Variants in CDC20B observed in about 807,000 individuals in gnomAD.
CDC20B encodes the protein cell division cycle protein 20 homolog B.
CDC20B carries 58 observed loss-of-function variants against 64.1 expected under a neutral mutation model. That is an observed-to-expected ratio of 0.90 (90% confidence interval 0.73 to 1.13). CDC20B has a LOEUF of 1.13. Among genes scored for constraint, CDC20B ranks in the 50% most tolerant of loss-of-function variants. CDC20B has a pLI of 0.00. For missense variants in CDC20B, 597 were observed against 633.0 expected, an observed-to-expected ratio of 0.94 and a Z score of 0.61; for synonymous variants, 243 against 230.6, an observed-to-expected ratio of 1.05 and a Z score of -0.49.
At chr5:55,166,231 A>G (rs1381930767) in intron 2 of CDC20B, 1 of 152,378 alleles carries the variant, frequency 6.6e-6, no homozygotes, top group East Asian at 1.9e-4. Context: ...GATGGATGAT[A>G]ATGGAGCTGC....
At position 55,152,780 on chromosome 5, in the gene CDC20B, T is replaced by C. The variant is rs141931383; in HGVS notation, c.127-5924A>G. On this transcript the variant is annotated intron_variant, in intron 2 of 11. Transcript: ENST00000381375. The stretch of plus-strand genomic sequence containing the variant: ...ACACTCCTTAAGACCAGGGACTTTG[T>C]CTTTTATCTTACTATCCTCGGGACA... Among the ~76,000 whole-genome samples, 16 of 152,322 alleles carry C rather than the reference T, an allele frequency of 1.1e-4. No individual in the cohort carries two copies. The East Asian group carries it at 2.9e-3, about 28-fold the overall frequency.
intron 8 of CDC20B, 60 bp downstream of exon 8, chr5:55,127,197 T>A: frequency 7.1e-7 from 1 of 1,402,564 alleles, no homozygotes; most frequent in Non-Finnish European, 1.0e-6. Flanking sequence ...AACTGTTTAC[T>A]CAGGCCCCAT....
chr5:55,141,890 C>A (rs1425564228), intron 4 of CDC20B, among the ~76,000 whole-genome samples: 2 of 152,152 alleles, frequency 1.3e-5, no homozygotes, highest in African/African-American at 2.4e-5. Flanking sequence ...TGCTCTCCCC[C>A]TGAGTTGTAA....
intron 2 of CDC20B, among the ~76,000 whole-genome samples, chr5:55,156,691 T>C (rs561213208): frequency 6.6e-6 from 1 of 152,086 alleles, no homozygotes; most frequent in East Asian, 1.9e-4. Flanking sequence ...CTGACTAATA[T>C]GGTGAAACCC....
rs1315210480 is a variant in CDC20B at position 55,128,552 on chromosome 5, TGTATACA to T, written c.756_762del (p.Val253SerfsTer13). 1.2e-6 allele frequency: 2 copies of T among 1,609,698 alleles called. No homozygotes were observed. Among genetic ancestry groups the T allele is most frequent in the South Asian group, 2.2e-5 (2 of 89,904 alleles). ...CCATTGTGGTTCTCCCCATTCCAGA[TGTATACA>T]GCAGAGCCCAGGGCTATGGCAACAA... On this transcript the variant is annotated frameshift_variant, in exon 7 of 12. Coordinates refer to ENST00000381375, the MANE Select transcript of CDC20B (RefSeq NM_001170402.1). LOFTEE classifies it high-confidence loss of function.
intron 11 of CDC20B, among the ~76,000 whole-genome samples, chr5:55,116,221 A>C (rs74569494): frequency 0.018 from 2,788 of 152,276 alleles, 46 homozygotes; most frequent in Non-Finnish European, 0.027. Context: ...ATGAAAAGCA[A>C]CTTGATTTAG....
At chr5:55,147,747 A>G (rs1343911458) in intron 2 of CDC20B, among the ~76,000 whole-genome samples, 1 of 152,170 alleles carries the variant, frequency 6.6e-6, no homozygotes. Flanking sequence ...AAATATTACC[A>G]TTACATATCA....
At chr5:55,161,395 A>C in intron 2 of CDC20B, 12 of 804,984 alleles carry the variant, frequency 1.5e-5, no homozygotes, top group African/African-American at 3.4e-5. Context: ...CCAGAATCTC[A>C]TCCTTTGTAA....
chr5:55,169,236 T>C (rs1467623663), intron 2 of CDC20B, among the ~76,000 whole-genome samples: 1 of 152,214 alleles, frequency 6.6e-6, no homozygotes, highest in African/African-American at 2.4e-5. Flanking sequence ...AGTAGTAAAA[T>C]GCGTAAGAAT....
intron 2 of CDC20B, among the ~76,000 whole-genome samples, chr5:55,163,024 C>T (rs910247296): frequency 1.3e-5 from 2 of 152,096 alleles, no homozygotes; most frequent in African/African-American, 4.8e-5. Context: ...TAATACCCAC[C>T]TCATAGGGTC....
At position 55,125,790 on chromosome 5, in the gene CDC20B, G is replaced by A. The variant is rs143644476; in HGVS notation, c.990-762C>T. Reference sequence around the variant, plus strand: ...GCATTGTTTAAAACTATGCAATGCTGAACAGCATTGTGATTAACAATATGG... The same window carrying A: ...GCATTGTTTAAAACTATGCAATGCTAAACAGCATTGTGATTAACAATATGG... On this transcript the variant is annotated intron_variant, in intron 8 of 11. Transcript: ENST00000381375. 1.7e-3 allele frequency among the ~76,000 whole-genome samples: 256 copies of A among 152,328 alleles called. 2 individuals carry two copies. The highest frequency in any genetic ancestry group is 6.1e-3 in the African/African-American group (254 of 41,568).
chr5:55,140,346 T>C lies in CDC20B; in HGVS notation c.548A>G (p.Gln183Arg), dbSNP rs755801919. ...AACACATTCGGATTGCTCACAGAGC[T>C]GCATTTTTCCATTAGCCTGCTGAAC... is the stretch of plus-strand genomic sequence containing the variant. Reference protein sequence around the residue: ...NVVQQANGKMQLCEQSECVWK... With the variant: ...NVVQQANGKMRLCEQSECVWK... Residue 183 changes from glutamine (Q) to arginine (R), a missense_variant, in exon 5 of 12, where the codon CAG becomes CGG. Around this residue, in one of 3 missense-constraint regions of CDC20B, gnomAD observed 241 missense variants for 219.2 expected, o/e 1.10. Transcript: ENST00000381375. 4 of 1,613,608 alleles carry C rather than the reference T, an allele frequency of 2.5e-6. No individual in the cohort carries two copies. In the South Asian group the frequency reaches 4.4e-5, roughly 18 times the overall value.
At position 55,114,377 on chromosome 5, in the gene CDC20B, G is replaced by T; in HGVS notation, c.1460-59C>A. 6.4e-7 allele frequency: 1 copy of T among 1,570,106 alleles called. No individual in the cohort carries two copies. Among genetic ancestry groups the T allele is most frequent in the East Asian group, 2.3e-5 (1 of 43,736 alleles). On this transcript the variant is annotated intron_variant, in intron 11 of 11. Coordinates refer to ENST00000381375, the MANE Select transcript of CDC20B (RefSeq NM_001170402.1). The surrounding 1 kb of genome is among the most constrained non-coding windows in gnomAD (Gnocchi z 4.1). ...CCACGTTACATGGGCTGCTGCTCAG[G>T]ACTGTAGGCAATGTAAGTTGGGGCC...
In CDC20B at chr5:55,128,623, A is replaced by C; in HGVS notation, c.698-6T>G. The C allele has an allele frequency of 1.3e-6, 2 of 1,533,422 alleles. No individual in the cohort carries two copies. The highest frequency in any genetic ancestry group is 2.6e-5 in the South Asian group (2 of 77,940). The allele number at this position is 1,533,422 out of a possible 1,614,324, so 95.0% of individuals were successfully genotyped here. A position where few individuals can be genotyped will look rare whatever the true frequency, so the allele number is the denominator to read the frequency against. The stretch of plus-strand genomic sequence containing the variant: ...CCAATCTAGGATATTCAGATCTATA[A>C]GAAAAGCACTTCAAATTAGTATAAT... On this transcript the variant is annotated splice_polypyrimidine_tract_variant and splice_region_variant and intron_variant, in intron 6 of 11. Transcript: ENST00000381375.
At chr5:55,158,400 G>A (rs1743875292) in intron 2 of CDC20B, among the ~76,000 whole-genome samples, 1 of 152,222 alleles carries the variant, frequency 6.6e-6, no homozygotes, top group Admixed American at 6.5e-5. Context: ...TAGGAATTAT[G>A]TTTAAAAGGG....
chr5:55,168,865 T>A (rs1412342190), intron 2 of CDC20B, among the ~76,000 whole-genome samples: 1 of 152,176 alleles, frequency 6.6e-6, no homozygotes, highest in Non-Finnish European at 1.5e-5. Context: ...AACTATCTAT[T>A]GGGTACAATG....
rs146927201 is a variant in CDC20B, at chr5:55,118,724, A to C, written c.1459+1077T>G. Among the ~76,000 whole-genome samples, 79 of 152,334 alleles carry C rather than the reference A, an allele frequency of 5.2e-4. No individual in the cohort carries two copies. The East Asian group carries it at 0.011, about 21-fold the overall frequency. On this transcript the variant is annotated intron_variant, in intron 11 of 11. Coordinates refer to ENST00000381375, the MANE Select transcript of CDC20B (RefSeq NM_001170402.1). ...TGATCACCAAAATGGCTCTGCTAAG[A>C]GTTCCCTGTATTCTGATCCAGGCCA... is the stretch of plus-strand genomic sequence containing the variant.
rs768153512 is a variant in CDC20B at position 55,172,926 on chromosome 5, G to A, written c.63+12C>T. 1 of 1,596,872 alleles carries A rather than the reference G, an allele frequency of 6.3e-7. No homozygotes were observed. The highest frequency in any genetic ancestry group is 1.1e-5 in the South Asian group (1 of 87,880). ...GAGAGTTAGGGAGAATGCAGAAAAG[G>A]GTGTTACTCACCCACAGCATCTCCT... is the stretch of plus-strand genomic sequence containing the variant. On this transcript the variant is annotated intron_variant, in intron 1 of 11. Transcript: ENST00000381375.
At chr5:55,157,107 T>C (rs996025314) in intron 2 of CDC20B, among the ~76,000 whole-genome samples, 2 of 152,212 alleles carry the variant, frequency 1.3e-5, no homozygotes, top group African/African-American at 4.8e-5. Flanking sequence ...TCCTCTTGCC[T>C]TCATCATGAA....
Sources: allele counts gnomAD v4.1 joint callset (sites outside exome capture counted in the v4.1 genomes callset), GRCh38; gene constraint gnomAD v4.1.1; regional missense constraint gnomAD v4.1.1; non-coding constraint Gnocchi (gnomAD v3.1); transcripts MANE v1.5; gene names NCBI Gene and HGNC (gene_info 2026-07-23, HGNC 2026-07-21).